HHAT: variants seen among roughly 807,000 people sequenced by gnomAD.
The protein encoded by HHAT is hedgehog acyltransferase, also known as protein-cysteine N-palmitoyltransferase HHAT.
HHAT carries 47 observed loss-of-function variants against 70.8 expected under a neutral mutation model. The observed-to-expected ratio is 0.66, with a 90% confidence interval of 0.53 to 0.85. HHAT has a LOEUF of 0.85. Among genes scored for constraint, HHAT ranks in the 40% least tolerant of loss-of-function variants. The pLI is 0.00. For synonymous variants in HHAT, 228 were observed against 247.6 expected, an observed-to-expected ratio of 0.92 and a Z score of 0.74; for missense variants, 609 against 604.8, an observed-to-expected ratio of 1.01 and a Z score of -0.07.
chr1:210,439,483 G>A (rs921079788), intron 7 of HHAT: 1 of 151,770 alleles, frequency 6.6e-6, no homozygotes, highest in African/African-American at 2.4e-5. Context: ...TTGCTGGTAA[G>A]TGTGCTCATA....
chr1:210,657,042 T>C (rs1185490367), intron 11 of HHAT, among the ~76,000 whole-genome samples: 1 of 152,208 alleles, frequency 6.6e-6, no homozygotes, highest in Admixed American at 6.5e-5. Context: ...TGGAGCCACA[T>C]TTTTTTCCAA....
chr1:210,644,339 A>C (rs1329928786), intron 11 of HHAT, among the ~76,000 whole-genome samples: 1 of 152,212 alleles, frequency 6.6e-6, no homozygotes, highest in Non-Finnish European at 1.5e-5. Flanking sequence ...GCTTTGACTC[A>C]TGCCTGTAAT....
chr1:210,607,534 C>A (rs1443952427), intron 10 of HHAT, among the ~76,000 whole-genome samples: 3 of 152,146 alleles, frequency 2.0e-5, no homozygotes, highest in Non-Finnish European at 4.4e-5. Context: ...GCTGTCACAT[C>A]CTAGGCTTAT....
chr1:210,466,654 A>C (rs911059290), intron 8 of HHAT, among the ~76,000 whole-genome samples: 3 of 152,210 alleles, frequency 2.0e-5, no homozygotes, highest in African/African-American at 7.2e-5. Flanking sequence ...CCTGGCACAC[A>C]TGCTGGTTTC....
intron 7 of HHAT, among the ~76,000 whole-genome samples, chr1:210,438,876 G>A (rs910031): frequency 0.25 from 37,535 of 151,546 alleles, 5,272 homozygotes; most frequent in Admixed American, 0.36. Flanking sequence ...AGATAGAATC[G>A]TATCGCTATT....
chr1:210,442,585 A>G (rs1419737041), intron 7 of HHAT, among the ~76,000 whole-genome samples: 1 of 151,896 alleles, frequency 6.6e-6, no homozygotes, highest in Non-Finnish European at 1.5e-5. Flanking sequence ...TTTGATTTGC[A>G]TTTCTCTGAT....
At chr1:210,473,162 G>C (rs1304356829) in intron 8 of HHAT, among the ~76,000 whole-genome samples, 1 of 152,148 alleles carries the variant, frequency 6.6e-6, no homozygotes, top group Non-Finnish European at 1.5e-5. Context: ...ATGTCAAAGA[G>C]ATACATTTTA....
chr1:210,328,960 A>G lies in HHAT; in HGVS notation c.-188A>G. The G allele has an allele frequency of 7.9e-7, 1 of 1,259,652 alleles. No homozygotes were observed. The highest frequency in any genetic ancestry group is 1.0e-6 in the Non-Finnish European group (1 of 981,540). The allele number at this position is 1,259,652 out of a possible 1,614,324, so 78.0% of individuals were successfully genotyped here. On this transcript the variant is annotated 5_prime_UTR_variant, in exon 1 of 12. Coordinates refer to ENST00000261458, the MANE Select transcript of HHAT (RefSeq NM_018194.6). ...GCGCTGCGCTGCTCCTCCAAAGGGCAGCTCCGGGGGAAAGAGGGTGGCGTC... is the reference window on the plus strand; with the variant it reads ...GCGCTGCGCTGCTCCTCCAAAGGGCGGCTCCGGGGGAAAGAGGGTGGCGTC...
chr1:210,371,982 T>C (rs2089611544), intron 3 of HHAT, among the ~76,000 whole-genome samples: 1 of 152,222 alleles, frequency 6.6e-6, no homozygotes, highest in Non-Finnish European at 1.5e-5. Flanking sequence ...TACTGCCTGC[T>C]TTCTGATCTG....
chr1:210,631,020 C>T (rs1459686494), intron 11 of HHAT: 1 of 451,790 alleles, frequency 2.2e-6, no homozygotes, highest in East Asian at 7.0e-5. Flanking sequence ...ATTTTTTTTA[C>T]TCAATCCATG....
intron 9 of HHAT, among the ~76,000 whole-genome samples, chr1:210,555,269 A>G (rs948658106): frequency 2.6e-5 from 4 of 152,144 alleles, no homozygotes; most frequent in Non-Finnish European, 5.9e-5. Flanking sequence ...CCGTAGTTCT[A>G]CTCACCCTGA....
rs1040066135 is a variant in HHAT at position 210,400,569 on chromosome 1, C to A, written c.375C>A (p.Phe125Leu). 1.2e-6 allele frequency: 2 copies of A among 1,614,134 alleles called. No individual in the cohort carries two copies. The highest frequency in any genetic ancestry group is 1.7e-6 in the Non-Finnish European group (2 of 1,180,016). ...TTTTGCTCCATACCACCATCTCTTT[C>A]TGCGTGGCCCAGTTCCGGTCTCAGC... is the stretch of plus-strand genomic sequence containing the variant. The part of the protein sequence containing the change: ...AMVLLHTTIS[F>L]CVAQFRSQLL... Residue 125 changes from phenylalanine (F) to leucine (L), a missense_variant, in exon 5 of 12, where the codon TTC becomes TTA. Phe to Leu is a conservative substitution (Grantham distance 22). Transcript: ENST00000261458.
chr1:210,637,247 A>C (rs976679439), intron 11 of HHAT, among the ~76,000 whole-genome samples: 3 of 152,224 alleles, frequency 2.0e-5, no homozygotes, highest in African/African-American at 7.2e-5. Flanking sequence ...TCCATATCTC[A>C]CATCATATAC....
intron 11 of HHAT, among the ~76,000 whole-genome samples, chr1:210,644,951 T>A (rs1047135427): frequency 1.3e-5 from 2 of 152,184 alleles, no homozygotes; most frequent in Non-Finnish European, 2.9e-5. Context: ...CATGGCCGTG[T>A]CCTCTGGAGT....
At chr1:210,540,869 A>G (rs1054845905) in intron 9 of HHAT, among the ~76,000 whole-genome samples, 2 of 151,820 alleles carry the variant, frequency 1.3e-5, no homozygotes, top group African/African-American at 2.4e-5. Flanking sequence ...GACACAGTGT[A>G]TCGCTCTGTT....
chr1:210,354,195 CTTTTTTTTTTTT>C (rs71146220), intron 2 of HHAT, among the ~76,000 whole-genome samples: 14 of 102,580 alleles, frequency 1.4e-4, no homozygotes, highest in Non-Finnish European at 1.5e-4. Flanking sequence ...AACATAATGT[CTTTTTTTTTTTT>C]TTTTTTTTTT....
chr1:210,556,633 T>C (rs915375271), intron 9 of HHAT, among the ~76,000 whole-genome samples: 1 of 152,220 alleles, frequency 6.6e-6, no homozygotes, highest in Non-Finnish European at 1.5e-5. Context: ...GGAGCTGATA[T>C]GACAGCTTCA....
chr1:210,373,405 G>GT (rs2089755686), intron 3 of HHAT, among the ~76,000 whole-genome samples: 2 of 152,134 alleles, frequency 1.3e-5, no homozygotes, highest in Admixed American at 6.5e-5. Flanking sequence ...TTAAAATCAT[G>GT]ACATGACAGT....
intron 11 of HHAT, among the ~76,000 whole-genome samples, chr1:210,631,460 T>C (rs142999020): frequency 1.3e-5 from 2 of 152,350 alleles, no homozygotes; most frequent in Non-Finnish European, 2.9e-5. Context: ...TACAACTCTT[T>C]ATCCCAAGCC....
Sources: gnomAD v4.1 joint callset for allele counts (sites outside exome capture counted in the v4.1 genomes callset) on GRCh38, gnomAD v4.1.1 for gene constraint, MANE v1.5 for transcripts, NCBI Gene and HGNC (gene_info 2026-07-23, HGNC 2026-07-21) for gene names.